GRM5: variants seen among roughly 807,000 people sequenced by gnomAD.
GRM5 encodes the protein metabotropic glutamate receptor 5.
Under a neutral mutation model 83.1 loss-of-function variants are expected in GRM5, and 19 were observed. That is an observed-to-expected ratio of 0.23 (90% confidence interval 0.16 to 0.34). The LOEUF is 0.34. GRM5 is among the 10% of genes least tolerant of loss of function. The probability of loss-of-function intolerance (pLI) is 1.00; values close to 1 mark genes in which losing one functional copy is unlikely to be tolerated. For missense variants in GRM5, 1,160 were observed against 1,588.3 expected (o/e 0.73, Z 4.58); for synonymous variants, 675 against 633.6 (o/e 1.07, Z -0.98).
At chr11:88,661,608 A>G (rs1384089956) in intron 3 of GRM5, among the ~76,000 whole-genome samples, 1 of 152,178 alleles carries the variant, frequency 6.6e-6, no homozygotes, top group Non-Finnish European at 1.5e-5. Flanking sequence ...GTGGGAGTCT[A>G]CGGACTACTT....
At chr11:88,973,549 T>C (rs1040229907) in intron 2 of GRM5, among the ~76,000 whole-genome samples, 7 of 152,034 alleles carry the variant, frequency 4.6e-5, no homozygotes, top group Non-Finnish European at 8.8e-5. Context: ...CCAAGAAACA[T>C]TGATAACCAA....
chr11:89,047,068 T>C lies in GRM5; in HGVS notation c.661+144A>G, dbSNP rs1941656535. On this transcript the variant is annotated intron_variant, in intron 2 of 9. Transcript: ENST00000305447. This position sits in a 1 kb window ranked among gnomAD's most constrained non-coding sequence, Gnocchi z 5.1. ...TCTTTGTCTCTCTAGATATATGCCATCCAGTCTGTTCTTATAGTACTGGTA... is the reference window on the plus strand; with the variant it reads ...TCTTTGTCTCTCTAGATATATGCCACCCAGTCTGTTCTTATAGTACTGGTA... 1.6e-6 allele frequency: 1 copy of C among 634,840 alleles called. No individual in the cohort carries two copies. The highest frequency in any genetic ancestry group is 2.8e-6 in the Non-Finnish European group (1 of 361,718). The allele number at this position is 634,840 out of a possible 1,614,324, so 39.3% of individuals were successfully genotyped here. A position where few individuals can be genotyped will look rare whatever the true frequency, so the allele number is the denominator to read the frequency against.
intron 3 of GRM5, among the ~76,000 whole-genome samples, chr11:88,723,678 A>ATCAT (rs1941604169): frequency 6.6e-6 from 1 of 151,842 alleles, no homozygotes; most frequent in Non-Finnish European, 1.5e-5. Context: ...CCTTCCCCTT[A>ATCAT]TCATTGAGGT....
intron 2 of GRM5, among the ~76,000 whole-genome samples, chr11:89,035,269 A>G (rs1395023128): frequency 1.3e-5 from 2 of 151,820 alleles, no homozygotes; most frequent in Admixed American, 6.6e-5. Context: ...TAATTCCATA[A>G]AAGTGAAATT....
intron 3 of GRM5, among the ~76,000 whole-genome samples, chr11:88,742,386 G>A (rs1942047972): frequency 6.6e-6 from 1 of 151,966 alleles, no homozygotes. Context: ...ATTATTGCCT[G>A]GAAAAGGAAA....
chr11:88,634,368 C>CAATGT (rs1293044861), intron 4 of GRM5, among the ~76,000 whole-genome samples: 4 of 152,140 alleles, frequency 2.6e-5, no homozygotes, highest in Non-Finnish European at 4.4e-5. Flanking sequence ...CTATTCAACT[C>CAATGT]TTTTGTAATA....
At chr11:89,037,488 T>C (rs1445640195) in intron 2 of GRM5, among the ~76,000 whole-genome samples, 3 of 152,124 alleles carry the variant, frequency 2.0e-5, no homozygotes, top group African/African-American at 7.2e-5. Flanking sequence ...GTTGCAAATA[T>C]ATCCTTGGAA....
intron 3 of GRM5, among the ~76,000 whole-genome samples, chr11:88,730,127 C>T (rs1435013875): frequency 1.3e-5 from 2 of 152,094 alleles, no homozygotes; most frequent in Admixed American, 6.6e-5. Flanking sequence ...TTGCAATCTA[C>T]TCATCTGACA....
At chr11:88,781,115 A>G (rs1015398441) in intron 3 of GRM5, among the ~76,000 whole-genome samples, 1 of 66,932 alleles carries the variant, frequency 1.5e-5, no homozygotes, top group East Asian at 3.8e-4. Context: ...TTTTATATAT[A>G]TACATATATA....
intron 2 of GRM5, among the ~76,000 whole-genome samples, chr11:88,921,978 T>C (rs996383550): frequency 2.0e-5 from 3 of 151,054 alleles, no homozygotes; most frequent in African/African-American, 7.3e-5. Context: ...ATCAAGAAAG[T>C]AATCCCATTT....
At chr11:88,723,019 CCTT>C (rs951381898) in intron 3 of GRM5, among the ~76,000 whole-genome samples, 2 of 152,100 alleles carry the variant, frequency 1.3e-5, no homozygotes, top group African/African-American at 4.8e-5. Flanking sequence ...GCCCATTCAT[CCTT>C]CTTCTCCTGC....
At chr11:88,620,670 A>T (rs970655255) in intron 4 of GRM5, among the ~76,000 whole-genome samples, 1 of 152,184 alleles carries the variant, frequency 6.6e-6, no homozygotes, top group African/African-American at 2.4e-5. Context: ...CAAATAGTCT[A>T]TGAAAAGGGT....
chr11:88,657,377 T>G (rs574689933), intron 3 of GRM5, among the ~76,000 whole-genome samples: 1 of 152,288 alleles, frequency 6.6e-6, no homozygotes, highest in African/African-American at 2.4e-5. Flanking sequence ...TCAGAGTAAC[T>G]TGGACATTTA....
chr11:88,860,840 A>G (rs190592052), intron 2 of GRM5, among the ~76,000 whole-genome samples: 309 of 152,296 alleles, frequency 2.0e-3, no homozygotes, highest in South Asian at 6.0e-3. Context: ...GTGGGTAACT[A>G]TGCTGTGTTC....
At chr11:88,620,648 T>C (rs574145658) in intron 4 of GRM5, among the ~76,000 whole-genome samples, 1 of 152,246 alleles carries the variant, frequency 6.6e-6, no homozygotes, top group East Asian at 1.9e-4. Context: ...ACTGGTGTTG[T>C]AGGGAAGAAA....
At chr11:88,712,332 T>C (rs1941300887) in intron 3 of GRM5, among the ~76,000 whole-genome samples, 1 of 152,052 alleles carries the variant, frequency 6.6e-6, no homozygotes, top group South Asian at 2.1e-4. Flanking sequence ...GCAGAGATGA[T>C]CTATATCTTG....
chr11:88,883,684 T>C (rs1288769763), intron 2 of GRM5, among the ~76,000 whole-genome samples: 1 of 151,984 alleles, frequency 6.6e-6, no homozygotes, highest in South Asian at 2.1e-4. Flanking sequence ...GAGACCATCA[T>C]GGCAGTCCCT....
At chr11:89,046,598 A>G (rs1711855551) in intron 2 of GRM5, among the ~76,000 whole-genome samples, 1 of 152,238 alleles carries the variant, frequency 6.6e-6, no homozygotes, top group African/African-American at 2.4e-5. Context: ...AATAAATTTT[A>G]AAACAAACAT....
At chr11:88,613,110 T>G (rs951909367) in intron 4 of GRM5, among the ~76,000 whole-genome samples, 9 of 152,186 alleles carry the variant, frequency 5.9e-5, no homozygotes. Flanking sequence ...CTTGCTTTAT[T>G]CCTGAGCACG....
Sources: allele counts gnomAD v4.1 joint callset (sites outside exome capture counted in the v4.1 genomes callset), GRCh38; gene constraint gnomAD v4.1.1; non-coding constraint Gnocchi (gnomAD v3.1); transcripts MANE v1.5; gene names NCBI Gene and HGNC (gene_info 2026-07-23, HGNC 2026-07-21).